CD2: variants seen among roughly 807,000 people sequenced by gnomAD.
CD2 encodes CD2 molecule, also known as T-cell surface antigen CD2.
A neutral mutation model predicts 23.2 loss-of-function variants in CD2; 18 were observed. The observed-to-expected ratio is 0.77, with a 90% CI of 0.54 to 1.15. The LOEUF (loss-of-function observed/expected upper bound fraction) is 1.15. CD2 is among the 50% of genes most tolerant of loss of function. The probability of loss-of-function intolerance (pLI) is 0.00; values close to 1 mark genes in which losing one functional copy is unlikely to be tolerated. For synonymous variants in CD2, 162 were observed against 151.9 expected (o/e 1.07, Z -0.49); for missense variants, 424 against 423.1 (o/e 1.00, Z -0.02).
rs966004992 is a variant in CD2, at chr1:116,760,573, A to C, written c.554A>C (p.Lys185Thr). The change falls in exon 3 of 5, where the codon AAG becomes ACG. Residue 185 changes from lysine to threonine, a missense_variant. Transcript: ENST00000369478. ...KWTTSLSAKF[K>T]CTAGNKVSKE... ...ACCACCAGCCTGAGTGCAAAATTCA[A>C]GTGCACAGCAGGGAACAAAGTCAGC... 6.2e-7 allele frequency: 1 copy of C among 1,614,082 alleles called. No homozygotes were observed. Among genetic ancestry groups the C allele is most frequent in the Non-Finnish European group, 8.5e-7 (1 of 1,180,024 alleles).
At chr1:116,761,729 A>G (rs1363006951) in intron 3 of CD2, among the ~76,000 whole-genome samples, 1 of 152,160 alleles carries the variant, frequency 6.6e-6, no homozygotes, top group Non-Finnish European at 1.5e-5. Flanking sequence ...GAGTCTGCCA[A>G]TCACCAACTT....
chr1:116,764,703 G>C lies in CD2; in HGVS notation c.736+97G>C, dbSNP rs754032959. Reference sequence around the variant, plus strand: ...CCTTGAATCTGCAGAGAAAATGATGGAAATAGGTAGTTTCGGAATGTCAGG... The same window carrying C: ...CCTTGAATCTGCAGAGAAAATGATGCAAATAGGTAGTTTCGGAATGTCAGG... On this transcript the variant is annotated intron_variant, in intron 4 of 4. Transcript: ENST00000369478. 4 of 894,386 alleles carry C rather than the reference G, an allele frequency of 4.5e-6. No individual in the cohort carries two copies. In the South Asian group the frequency reaches 5.7e-5, roughly 13 times the overall value. 55.4% of individuals were successfully genotyped at this position (894,386 alleles called of 1,614,324 possible). A position where few individuals can be genotyped will look rare whatever the true frequency, so the allele number is the denominator to read the frequency against.
At chr1:116,765,104 G>A (rs1473001480) in intron 4 of CD2, among the ~76,000 whole-genome samples, 1 of 152,156 alleles carries the variant, frequency 6.6e-6, no homozygotes, top group East Asian at 1.9e-4. Flanking sequence ...TTCTCTGTTC[G>A]AGGGATGTGT....
chr1:116,767,439 A>G (rs1373988662), intron 4 of CD2, among the ~76,000 whole-genome samples: 1 of 152,042 alleles, frequency 6.6e-6, no homozygotes, highest in Non-Finnish European at 1.5e-5. Flanking sequence ...TAAAAATACA[A>G]TATTAGCCGG....
At chr1:116,758,696 T>C (rs944205891) in intron 2 of CD2, among the ~76,000 whole-genome samples, 1 of 152,154 alleles carries the variant, frequency 6.6e-6, no homozygotes, top group Non-Finnish European at 1.5e-5. Flanking sequence ...TGGGGGACCA[T>C]GTTGGTGTTT....
chr1:116,758,118 A>C (rs548422885), intron 2 of CD2, among the ~76,000 whole-genome samples: 1 of 151,972 alleles, frequency 6.6e-6, no homozygotes. Context: ...ATATCTGCTA[A>C]AGATATACAT....
chr1:116,760,335 T>C (rs1652003857), intron 2 of CD2, 67 bp from the exon 3 acceptor site: 1 of 1,285,736 alleles, frequency 7.8e-7, no homozygotes, highest in Non-Finnish European at 1.1e-6. Context: ...CCCCACTGTA[T>C]AAATAGATAT....
In CD2 at chr1:116,754,795, G is replaced by C. The variant is rs761382880; in HGVS notation, c.226G>C (p.Glu76Gln). 2.5e-6 allele frequency: 4 copies of C among 1,613,132 alleles called. No homozygotes were observed. The highest frequency in any genetic ancestry group is 1.3e-5 in the African/African-American group (1 of 74,804). Reference sequence around the variant, plus strand: ...GATTGCACAATTCAGAAAAGAGAAAGAGACTTTCAAGGAAAAAGATACATA... The same window carrying C: ...GATTGCACAATTCAGAAAAGAGAAACAGACTTTCAAGGAAAAAGATACATA... ...KKIAQFRKEK[E>Q]TFKEKDTYKL... The change falls in exon 2 of 5, where the codon GAG becomes CAG. Residue 76 changes from glutamate (E) to glutamine (Q), a missense_variant. Coordinates refer to ENST00000369478, the MANE Select transcript of CD2 (RefSeq NM_001767.5).
intron 4 of CD2, among the ~76,000 whole-genome samples, chr1:116,766,128 G>A (rs1016737232): frequency 3.3e-5 from 5 of 152,228 alleles, no homozygotes; most frequent in African/African-American, 9.6e-5. Context: ...TGTCAGCCTC[G>A]CTTGCCTCAT....
chr1:116,768,338 C>A (rs1652279598), intron 4 of CD2, 126 bp from the exon 5 acceptor site: 5 of 822,960 alleles, frequency 6.1e-6, no homozygotes, highest in Non-Finnish European at 3.8e-6. Context: ...ATAGTAGGGG[C>A]AACTTCTGCT....
intron 3 of CD2, among the ~76,000 whole-genome samples, chr1:116,763,157 G>T (rs899187807): frequency 1.3e-5 from 2 of 152,194 alleles, no homozygotes; most frequent in African/African-American, 4.8e-5. Context: ...TTCTCTGGTG[G>T]AGGCCTCTTC....
rs1478852347 is a variant in CD2, at chr1:116,754,691, T to C, written c.122T>C (p.Ile41Thr). 6.2e-7 allele frequency: 1 copy of C among 1,612,138 alleles called. No homozygotes were observed. Among genetic ancestry groups the C allele is most frequent in the East Asian group, 2.2e-5 (1 of 44,866 alleles). Reference protein sequence around the residue: ...LETWGALGQDINLDIPSFQMS... With the variant: ...LETWGALGQDTNLDIPSFQMS... ...ACCTGGGGTGCCTTGGGTCAGGACA[T>C]CAACTTGGACATTCCTAGTTTTCAA... The change falls in exon 2 of 5, where the codon ATC becomes ACC. Residue 41 changes from isoleucine (I) to threonine (T), a missense_variant. Coordinates refer to ENST00000369478, the MANE Select transcript of CD2 (RefSeq NM_001767.5).
Position 116,764,490 on chromosome 1 carries a change from G to A in CD2, c.620G>A (p.Gly207Asp). The A allele has an allele frequency of 1.2e-6, 2 of 1,614,016 alleles. No individual in the cohort carries two copies. The highest frequency in any genetic ancestry group is 1.7e-6 in the Non-Finnish European group (2 of 1,179,934). The change falls in exon 4 of 5, where the codon GGT becomes GAT. Residue 207 changes from glycine (G) to aspartate (D), a missense_variant. Transcript: ENST00000369478. ...ACTTCTCTTCCTTTTGCAGAGAAAG[G>A]TCTGGACATCTATCTCATCATTGGC... is the stretch of plus-strand genomic sequence containing the variant. ...SVEPVSCPEK[G>D]LDIYLIIGIC...
At position 116,761,139 on chromosome 1, in the gene CD2, G is replaced by A. The variant is rs1197030571; in HGVS notation, c.613+507G>A. 5.3e-5 allele frequency among the ~76,000 whole-genome samples: 8 copies of A among 152,262 alleles called. No homozygotes were observed. In the East Asian group the frequency reaches 1.5e-3, roughly 29 times the overall value. On this transcript the variant is annotated intron_variant, in intron 3 of 4. Transcript: ENST00000369478. Reference sequence around the variant, plus strand: ...GCCAAAGAGGACTGTGGACAGCAAGGCAACACTCCTGGCACACAACAGGAC... The same window carrying A: ...GCCAAAGAGGACTGTGGACAGCAAGACAACACTCCTGGCACACAACAGGAC...
At chr1:116,757,768 G>T (rs1651906475) in intron 2 of CD2, among the ~76,000 whole-genome samples, 1 of 151,336 alleles carries the variant, frequency 6.6e-6, no homozygotes, top group Admixed American at 6.6e-5. Context: ...GAGAGAGAGA[G>T]AGAGAGAGGC....
chr1:116,765,283 G>A (rs1279488634), intron 4 of CD2, among the ~76,000 whole-genome samples: 2 of 152,190 alleles, frequency 1.3e-5, no homozygotes, highest in African/African-American at 4.8e-5. Context: ...AGATGAGGGT[G>A]TCAGCCATTG....
At chr1:116,758,656 G>T (rs114815268) in intron 2 of CD2, among the ~76,000 whole-genome samples, 1 of 152,028 alleles carries the variant, frequency 6.6e-6, no homozygotes, top group Non-Finnish European at 1.5e-5. Context: ...CACAGAACTC[G>T]AGTGTCCTGT....
intron 3 of CD2, among the ~76,000 whole-genome samples, chr1:116,762,151 T>C (rs1652075274): frequency 1.3e-5 from 2 of 152,220 alleles, no homozygotes; most frequent in African/African-American, 2.4e-5. Flanking sequence ...TGATTAGAGT[T>C]GCCAGATATA....
chr1:116,754,777 C>T lies in CD2; in HGVS notation c.208C>T (p.Gln70Ter). The T allele has an allele frequency of 6.2e-7, 1 of 1,613,184 alleles. No individual in the cohort carries two copies. ...AACTTCAGACAAGAAAAAGATTGCA[C>T]AATTCAGAAAAGAGAAAGAGACTTT... ...EKTSDKKKIA[Q>*]FRKEKETFKE... Residue 70 changes from glutamine (Q) to a stop codon, truncating the protein, a stop_gained, in exon 2 of 5, where the codon CAA becomes TAA. Coordinates refer to ENST00000369478, the MANE Select transcript of CD2 (RefSeq NM_001767.5). LOFTEE classifies it high-confidence loss of function.
Sources: allele counts gnomAD v4.1 joint callset (sites outside exome capture counted in the v4.1 genomes callset), GRCh38; gene constraint gnomAD v4.1.1; transcripts MANE v1.5; gene names NCBI Gene and HGNC (gene_info 2026-07-23, HGNC 2026-07-21).